Variants in ANK2 observed in about 807,000 individuals in gnomAD.
ANK2 encodes ankyrin-2.
A neutral mutation model predicts 360.5 loss-of-function variants in ANK2; 83 were observed. That is an observed-to-expected ratio of 0.23 (90% CI 0.19 to 0.28). ANK2 has a LOEUF of 0.28. ANK2 is among the 10% of genes least tolerant of loss of function. The pLI is 1.00. For synonymous variants in ANK2, 1,740 were observed against 1,759.5 expected (o/e 0.99, Z 0.28); for missense variants, 4,201 against 4,795.7 (o/e 0.88, Z 3.66).
the ANK2 span, among the ~76,000 whole-genome samples, chr4:112,752,123 G>A: frequency 6.6e-6 from 1 of 152,148 alleles, no homozygotes; most frequent in Non-Finnish European, 1.5e-5. Context: ...GAAATTCAAG[G>A]GAGCAGGGAG....
Position 113,357,368 on chromosome 4 carries a change from A to T in ANK2, c.8750A>T (p.Asp2917Val). The T allele has an allele frequency of 3.7e-6, 6 of 1,614,056 alleles. No homozygotes were observed. Among genetic ancestry groups the T allele is most frequent in the Non-Finnish European group, 5.1e-6 (6 of 1,179,974 alleles). The change falls in exon 38 of 46, where the codon GAT becomes GTT. Residue 2917 changes from aspartate to valine, a missense_variant. By Grantham distance (152) the Asp-to-Val change is radical. This residue lies in a region of ANK2 where 2,642 missense variants were observed against 2,714.5 expected (regional missense o/e 0.97). Coordinates refer to ENST00000357077, the MANE Select transcript of ANK2 (RefSeq NM_001148.6). ...DVPVSDLAEN[D>V]EIYDPQITSP... ...CCCGTGTCTGACCTAGCTGAGAATG[A>T]TGAAATCTATGATCCACAAATCACT... is the stretch of plus-strand genomic sequence containing the variant.
intron 1 of ANK2, chr4:113,141,532 G>A (rs1292864310): frequency 6.6e-6 from 1 of 152,158 alleles, no homozygotes; most frequent in Non-Finnish European, 1.5e-5. Flanking sequence ...GAAAATAGAA[G>A]CTCAGATTTG....
the ANK2 span, among the ~76,000 whole-genome samples, chr4:112,744,531 G>A: frequency 6.6e-6 from 1 of 151,788 alleles, no homozygotes; most frequent in Non-Finnish European, 1.5e-5. Context: ...TGCATTTTTA[G>A]TAAAGATGGG....
intron 11 of ANK2, 69 bp from the exon 12 acceptor site, chr4:113,257,981 G>A (rs754955875): frequency 1.5e-6 from 2 of 1,350,578 alleles, no homozygotes; most frequent in Non-Finnish European, 2.1e-6. Context: ...TGCCTGCAAT[G>A]TGCCAGCATG....
chr4:113,379,692 T>A, intron 45 of ANK2, among the ~76,000 whole-genome samples: 1 of 152,140 alleles, frequency 6.6e-6, no homozygotes, highest in South Asian at 2.1e-4. Flanking sequence ...AAGAACAAAT[T>A]TAAGTTTGCT....
At chr4:112,735,398 C>T in the ANK2 span, among the ~76,000 whole-genome samples, 1 of 152,112 alleles carries the variant, frequency 6.6e-6, no homozygotes, top group Non-Finnish European at 1.5e-5. Context: ...AGCATTTCTT[C>T]TCTGTGCACA....
intron 4 of ANK2, among the ~76,000 whole-genome samples, chr4:113,201,109 G>T (rs2153415299): frequency 6.6e-6 from 1 of 152,046 alleles, no homozygotes; most frequent in East Asian, 1.9e-4. Context: ...TACCCAAAGT[G>T]GTATTGCTTT....
At chr4:113,302,616 G>A in intron 22 of ANK2, 151 bp from the exon 23 acceptor site, 1 of 653,488 alleles carries the variant, frequency 1.5e-6, no homozygotes, top group Non-Finnish European at 2.7e-6. Context: ...TTTCATGAAA[G>A]CAAATTTCCA....
chr4:113,128,086 A>T (rs2154375798), intron 1 of ANK2, among the ~76,000 whole-genome samples: 1 of 152,328 alleles, frequency 6.6e-6, no homozygotes, highest in African/African-American at 2.4e-5. Context: ...TGGTGGCAGG[A>T]TGATGTTTAT....
intron 39 of ANK2, 152 bp from the exon 40 acceptor site, chr4:113,363,186 G>A (rs576163829): frequency 2.7e-5 from 19 of 713,330 alleles, no homozygotes; most frequent in East Asian, 2.3e-4. Flanking sequence ...AAGAACAAAG[G>A]CATATAAGAG....
chr4:112,731,898 C>A, the ANK2 span, among the ~76,000 whole-genome samples: 1 of 152,194 alleles, frequency 6.6e-6, no homozygotes, highest in African/African-American at 2.4e-5. Context: ...AATTCCTGGG[C>A]TCAAGCCTTA....
intron 2 of ANK2, among the ~76,000 whole-genome samples, chr4:112,911,843 A>G (rs559348288): frequency 8.5e-5 from 13 of 152,324 alleles, no homozygotes; most frequent in African/African-American, 3.1e-4. Flanking sequence ...CATCTGTTTA[A>G]TTGATTATTG....
At chr4:112,784,112 C>G in the ANK2 span, among the ~76,000 whole-genome samples, 1 of 152,126 alleles carries the variant, frequency 6.6e-6, no homozygotes, top group South Asian at 2.1e-4. Context: ...CCAGTATTTT[C>G]TTGTGATAAG....
chr4:112,965,613 A>C (rs750239583), intron 2 of ANK2, among the ~76,000 whole-genome samples: 8 of 152,190 alleles, frequency 5.3e-5, no homozygotes, highest in Non-Finnish European at 1.0e-4. Flanking sequence ...TCTGAGATTT[A>C]AGCCTTTAAT....
At chr4:112,829,491 C>CAAAAAAAAAAAAACAAAAAAAAAAAA (rs2059201841) in intron 1 of ANK2, among the ~76,000 whole-genome samples, 1 of 60,728 alleles carries the variant, frequency 1.6e-5, no homozygotes, top group Non-Finnish European at 3.1e-5. Context: ...CCCATCTCTA[C>CAAAAAAAAAAAAACAAAAAAAAAAAA]AAAAAAAAAA....
At chr4:112,789,641 G>A in the ANK2 span, among the ~76,000 whole-genome samples, 1 of 152,182 alleles carries the variant, frequency 6.6e-6, no homozygotes, top group Non-Finnish European at 1.5e-5. Context: ...AAGATGGCCA[G>A]TGATTTCCCT....
At chr4:113,043,068 A>AC (rs1561661665) in intron 2 of ANK2, among the ~76,000 whole-genome samples, 1 of 152,144 alleles carries the variant, frequency 6.6e-6, no homozygotes, top group East Asian at 1.9e-4. Flanking sequence ...GTAGTCAGTG[A>AC]CCCCCCAAAT....
intron 1 of ANK2, among the ~76,000 whole-genome samples, chr4:112,901,669 T>C (rs2083408942): frequency 1.3e-5 from 2 of 152,078 alleles, no homozygotes; most frequent in Admixed American, 1.3e-4. Context: ...GAGACCAGCC[T>C]GACCAACATG....
chr4:112,745,310 G>A, the ANK2 span, among the ~76,000 whole-genome samples: 7 of 151,648 alleles, frequency 4.6e-5, no homozygotes, highest in African/African-American at 1.7e-4. Context: ...AATTTTTGTG[G>A]GCACATAGTA....
Sources: gnomAD v4.1 joint callset for allele counts (sites outside exome capture counted in the v4.1 genomes callset) on GRCh38, gnomAD v4.1.1 for gene constraint, gnomAD v4.1.1 regional missense constraint, MANE v1.5 for transcripts, NCBI Gene and HGNC (gene_info 2026-07-23, HGNC 2026-07-21) for gene names.